Variants in COG3 observed in about 807,000 individuals in gnomAD.
COG3 encodes component of oligomeric golgi complex 3, also known as conserved oligomeric Golgi complex subunit 3.
COG3 carries 32 observed loss-of-function variants against 114.1 expected under a neutral mutation model. That is an observed-to-expected ratio of 0.28 (90% CI 0.21 to 0.38). The LOEUF (loss-of-function observed/expected upper bound fraction) is 0.38, where lower values mean the gene tolerates loss of function less well. Ranked by LOEUF, COG3 falls within the 10% of genes least tolerant of loss-of-function variation. The pLI, the probability that COG3 is intolerant of heterozygous loss-of-function variation, is 1.00. For synonymous variants in COG3, 352 were observed against 365.7 expected, an observed-to-expected ratio of 0.96 and a Z score of 0.43; for missense variants, 813 against 973.2, an observed-to-expected ratio of 0.84 and a Z score of 2.19.
chr13:45,479,732 C>G (rs1405161763), intron 3 of COG3, among the ~76,000 whole-genome samples: 1 of 152,170 alleles, frequency 6.6e-6, no homozygotes, highest in Non-Finnish European at 1.5e-5. Flanking sequence ...TCTTCTAATT[C>G]TAAATCTAGA....
intron 1 of COG3, among the ~76,000 whole-genome samples, 178 bp from the exon 2 acceptor site, chr13:45,476,023 A>T (rs181730020): frequency 5.3e-5 from 8 of 151,942 alleles, no homozygotes; most frequent in Admixed American, 1.3e-4. Flanking sequence ...ATATTTTGAG[A>T]TGAGCATTTA....
At chr13:45,507,867 A>G (rs747844310) in intron 14 of COG3, among the ~76,000 whole-genome samples, 3 of 151,158 alleles carry the variant, frequency 2.0e-5, no homozygotes, top group Admixed American at 6.6e-5. Flanking sequence ...CAGGAGATCA[A>G]GACCATCCTG....
At chr13:45,530,029 T>TA in intron 21 of COG3, 111 bp downstream of exon 21, 1 of 1,199,190 alleles carries the variant, frequency 8.3e-7, no homozygotes, top group Middle Eastern at 2.1e-4. Flanking sequence ...TATACTGTTC[T>TA]AGTGAAGTTG....
intron 4 of COG3, among the ~76,000 whole-genome samples, chr13:45,480,776 G>T (rs1485175871): frequency 1.3e-5 from 2 of 152,078 alleles, no homozygotes; most frequent in African/African-American, 4.8e-5. Context: ...ATGTTGGCTA[G>T]GCTGGTCTCA....
chr13:45,507,261 A>G (rs1421648134), intron 14 of COG3, among the ~76,000 whole-genome samples: 16 of 152,256 alleles, frequency 1.1e-4, no homozygotes, highest in Admixed American at 9.2e-4. Flanking sequence ...AAGGAAAACT[A>G]TAAATATTTC....
At chr13:45,533,112 A>G (rs575773434) in intron 22 of COG3, among the ~76,000 whole-genome samples, 1 of 151,878 alleles carries the variant, frequency 6.6e-6, no homozygotes, top group East Asian at 1.9e-4. Context: ...TGAGTGCTTC[A>G]CGTTTCTGAG....
intron 14 of COG3, among the ~76,000 whole-genome samples, chr13:45,506,071 A>G (rs1457445292): frequency 5.4e-5 from 2 of 37,294 alleles, no homozygotes; most frequent in African/African-American, 1.6e-4. Context: ...TAACTTTTCT[A>G]CTTTTTTAAA....
chr13:45,520,650 A>G (rs922487832), intron 19 of COG3, among the ~76,000 whole-genome samples: 2 of 152,216 alleles, frequency 1.3e-5, no homozygotes, highest in African/African-American at 2.4e-5. Flanking sequence ...TCACTGGCAT[A>G]TATTGCTTGT....
chr13:45,465,357 T>C, intron 1 of COG3, 147 bp downstream of exon 1: 43 of 1,294,978 alleles, frequency 3.3e-5, no homozygotes, highest in Non-Finnish European at 4.3e-5. Flanking sequence ...GGGAGGGGCC[T>C]CATCTCCCAG....
chr13:45,532,661 C>T (rs1873268979), intron 22 of COG3, among the ~76,000 whole-genome samples: 2 of 150,996 alleles, frequency 1.3e-5, no homozygotes, highest in African/African-American at 4.9e-5. Context: ...GCTCCGCCTC[C>T]CGGGTTCATG....
chr13:45,474,663 C>CA (rs1194381676), intron 1 of COG3, among the ~76,000 whole-genome samples: 3 of 152,048 alleles, frequency 2.0e-5, no homozygotes, highest in South Asian at 2.1e-4. Flanking sequence ...AACCCATACA[C>CA]AAAAAACTCT....
chr13:45,479,097 C>CTAAAAA, intron 3 of COG3, 31 bp downstream of exon 3: 1 of 1,491,260 alleles, frequency 6.7e-7, no homozygotes, highest in Non-Finnish European at 9.2e-7. Flanking sequence ...TGTTGAATAT[C>CTAAAAA]TTAATTTTTA....
At chr13:45,520,885 A>C (rs1046409071) in intron 19 of COG3, among the ~76,000 whole-genome samples, 2 of 152,200 alleles carry the variant, frequency 1.3e-5, no homozygotes, top group African/African-American at 2.4e-5. Flanking sequence ...TTTCTGGGAG[A>C]ACATCCACAG....
At chr13:45,500,137 T>C (rs560743415) in intron 13 of COG3, among the ~76,000 whole-genome samples, 59 of 150,168 alleles carry the variant, frequency 3.9e-4, no homozygotes, top group Non-Finnish European at 5.9e-4. Flanking sequence ...CTGATTATTT[T>C]ATTTGAAAAA....
intron 1 of COG3, chr13:45,465,469 C>A: frequency 3.9e-6 from 2 of 511,850 alleles, no homozygotes; most frequent in Non-Finnish European, 3.3e-6. Flanking sequence ...CAGTCCTCCC[C>A]CAGCAGCATG....
At chr13:45,482,959 A>G (rs556954697) in intron 6 of COG3, among the ~76,000 whole-genome samples, 2 of 152,292 alleles carry the variant, frequency 1.3e-5, no homozygotes, top group African/African-American at 4.8e-5. Flanking sequence ...GGTCTTACAT[A>G]TTAGCCTTGA....
intron 19 of COG3, among the ~76,000 whole-genome samples, chr13:45,519,898 T>C (rs1186307391): frequency 6.6e-6 from 1 of 152,200 alleles, no homozygotes; most frequent in African/African-American, 2.4e-5. Flanking sequence ...GAAAAGCAGA[T>C]CATGGCTATT....
In COG3 at chr13:45,491,424, G is replaced by A; in HGVS notation, c.981G>A (p.Leu327=). ...TGCTTTCTGTCAGATACCAACAACTGCTAAATGATATCCACCAGTGTTACC... is the reference window on the plus strand; with the variant it reads ...TGCTTTCTGTCAGATACCAACAACTACTAAATGATATCCACCAGTGTTACC... ...RSEKIPEYQQ[L]LNDIHQCYLD... is the part of the protein sequence containing the mutation. The change falls in exon 10 of 23, where the codon CTG becomes CTA. Residue 327 remains leucine, a synonymous_variant. Transcript: ENST00000349995. The A allele has an allele frequency of 1.2e-6, 2 of 1,608,276 alleles. No individual in the cohort carries two copies. The highest frequency in any genetic ancestry group is 1.1e-5 in the South Asian group (1 of 89,586).
intron 13 of COG3, among the ~76,000 whole-genome samples, chr13:45,500,770 C>G (rs951882357): frequency 1.2e-4 from 18 of 152,172 alleles, no homozygotes; most frequent in African/African-American, 4.1e-4. Context: ...TTTTTCTATT[C>G]CAGGATCCCA....
Sources: allele counts gnomAD v4.1 joint callset (sites outside exome capture counted in the v4.1 genomes callset), GRCh38; gene constraint gnomAD v4.1.1; transcripts MANE v1.5; gene names NCBI Gene and HGNC (gene_info 2026-07-23, HGNC 2026-07-21).